SLC24A3: variants seen among roughly 807,000 people sequenced by gnomAD.
The protein encoded by SLC24A3 is solute carrier family 24 member 3, also known as sodium/potassium/calcium exchanger 3.
In SLC24A3, 28 loss-of-function variants were observed where a neutral mutation model predicts 75.8. The observed-to-expected ratio is 0.37, with a 90% CI of 0.27 to 0.51. The LOEUF is 0.51. SLC24A3 is among the 20% of genes least tolerant of loss of function. SLC24A3 has a pLI of 0.94. For synonymous variants in SLC24A3, 372 were observed against 334.1 expected (o/e 1.11, Z -1.24); for missense variants, 663 against 847.8 (o/e 0.78, Z 2.71).
At chr20:19,411,618 G>C (rs1266735568) in intron 2 of SLC24A3, among the ~76,000 whole-genome samples, 3 of 152,216 alleles carry the variant, frequency 2.0e-5, no homozygotes, top group African/African-American at 7.2e-5. Flanking sequence ...ATAAGCTTGA[G>C]TGATTTAAGG....
intron 2 of SLC24A3, among the ~76,000 whole-genome samples, chr20:19,297,628 A>G (rs1397585432): frequency 1.3e-5 from 2 of 152,232 alleles, no homozygotes; most frequent in Non-Finnish European, 2.9e-5. Flanking sequence ...ATACATGTAG[A>G]TACACATCTA....
chr20:19,273,728 A>G (rs1439023205), intron 1 of SLC24A3, among the ~76,000 whole-genome samples: 1 of 151,930 alleles, frequency 6.6e-6, no homozygotes. Flanking sequence ...AAGACAGAAG[A>G]TCTCCAAGCC....
At chr20:19,424,867 G>A (rs1446828564) in intron 2 of SLC24A3, among the ~76,000 whole-genome samples, 1 of 150,880 alleles carries the variant, frequency 6.6e-6, no homozygotes, top group Non-Finnish European at 1.5e-5. Context: ...TATATTGAAC[G>A]TATTATTTGA....
At chr20:19,337,816 C>G (rs1229018411) in intron 2 of SLC24A3, among the ~76,000 whole-genome samples, 1 of 152,136 alleles carries the variant, frequency 6.6e-6, no homozygotes, top group Non-Finnish European at 1.5e-5. Flanking sequence ...CAGCTTGGGG[C>G]TGGCTCGATT....
intron 1 of SLC24A3, among the ~76,000 whole-genome samples, chr20:19,260,759 G>A (rs145228454): frequency 2.9e-4 from 44 of 152,306 alleles, no homozygotes; most frequent in African/African-American, 9.9e-4. Flanking sequence ...GAAGGCCTGC[G>A]AGGCATCATT....
intron 2 of SLC24A3, among the ~76,000 whole-genome samples, chr20:19,477,983 C>G (rs1987989604): frequency 6.6e-6 from 1 of 152,240 alleles, no homozygotes; most frequent in African/African-American, 2.4e-5. Context: ...GCCCAGGTCC[C>G]TGGACATCAA....
intron 14 of SLC24A3, 120 bp from the exon 15 acceptor site, chr20:19,698,448 A>G: frequency 1.6e-6 from 1 of 626,388 alleles, no homozygotes; most frequent in Non-Finnish European, 2.9e-6. Context: ...GCCTTGAAAG[A>G]GAAGCACATA....
intron 2 of SLC24A3, among the ~76,000 whole-genome samples, chr20:19,348,204 A>G (rs920557684): frequency 1.3e-4 from 20 of 152,218 alleles, no homozygotes; most frequent in African/African-American, 4.8e-4. Flanking sequence ...GGCACTCTGA[A>G]CAATTCTTTA....
At chr20:19,397,344 G>A (rs1986471887) in intron 2 of SLC24A3, among the ~76,000 whole-genome samples, 1 of 152,152 alleles carries the variant, frequency 6.6e-6, no homozygotes, top group Non-Finnish European at 1.5e-5. Flanking sequence ...CTTGCCAAAG[G>A]TATGAAATAA....
chr20:19,323,480 A>T (rs1351434522), intron 2 of SLC24A3, among the ~76,000 whole-genome samples: 2 of 152,156 alleles, frequency 1.3e-5, no homozygotes, highest in Non-Finnish European at 2.9e-5. Context: ...TATTTAAGAT[A>T]TTTTAAAATA....
chr20:19,531,653 T>G (rs2030301488), intron 3 of SLC24A3, among the ~76,000 whole-genome samples: 1 of 152,152 alleles, frequency 6.6e-6, no homozygotes, highest in Non-Finnish European at 1.5e-5. Context: ...TCAGGTTCAA[T>G]CAAACAAAGA....
chr20:19,463,555 T>C (rs1203998317), intron 2 of SLC24A3, among the ~76,000 whole-genome samples: 1 of 152,184 alleles, frequency 6.6e-6, no homozygotes, highest in Non-Finnish European at 1.5e-5. Flanking sequence ...TTTGAGGTTG[T>C]CCTAGGATGT....
intron 2 of SLC24A3, among the ~76,000 whole-genome samples, chr20:19,328,974 G>A (rs1014297486): frequency 2.0e-5 from 3 of 152,174 alleles, no homozygotes; most frequent in Non-Finnish European, 2.9e-5. Context: ...AGGAGAGGTG[G>A]CCTGAAAGTT....
At chr20:19,230,679 C>CA (rs1312886004) in intron 1 of SLC24A3, among the ~76,000 whole-genome samples, 16 of 150,806 alleles carry the variant, frequency 1.1e-4, no homozygotes, top group Non-Finnish European at 2.1e-4. Flanking sequence ...GTGCCCTTTA[C>CA]AACAGTTCCT....
intron 2 of SLC24A3, among the ~76,000 whole-genome samples, chr20:19,300,977 T>C (rs1984181639): frequency 6.6e-6 from 1 of 152,168 alleles, no homozygotes; most frequent in African/African-American, 2.4e-5. Context: ...GTGCTGTGCC[T>C]CTGGCCAACA....
At chr20:19,591,316 C>A (rs897626812) in intron 6 of SLC24A3, among the ~76,000 whole-genome samples, 1 of 151,904 alleles carries the variant, frequency 6.6e-6, no homozygotes, top group African/African-American at 2.4e-5. Flanking sequence ...CTTTCAGTTT[C>A]AGGTAACAAC....
chr20:19,482,036 C>T (rs1349436760), intron 2 of SLC24A3, among the ~76,000 whole-genome samples: 10 of 152,222 alleles, frequency 6.6e-5, no homozygotes, highest in African/African-American at 2.4e-4. Flanking sequence ...TTCCTCTCAC[C>T]TGGACTCCAC....
intron 2 of SLC24A3, among the ~76,000 whole-genome samples, chr20:19,405,327 C>T (rs945224295): frequency 2.0e-5 from 3 of 152,122 alleles, no homozygotes; most frequent in Admixed American, 6.5e-5. Flanking sequence ...TTTGAGAAAA[C>T]CAGGAACCAC....
chr20:19,616,666 G>A (rs2031740677), intron 6 of SLC24A3, among the ~76,000 whole-genome samples: 1 of 152,118 alleles, frequency 6.6e-6, no homozygotes, highest in South Asian at 2.1e-4. Flanking sequence ...TCCAGGAAGT[G>A]TCTAATCATC....
Sources: allele counts gnomAD v4.1 joint callset (sites outside exome capture counted in the v4.1 genomes callset), GRCh38; gene constraint gnomAD v4.1.1; transcripts MANE v1.5; gene names NCBI Gene and HGNC (gene_info 2026-07-23, HGNC 2026-07-21).